Variants in LRP1B observed in about 807,000 individuals in gnomAD.
The protein encoded by LRP1B is low-density lipoprotein receptor-related protein 1B.
LRP1B carries 217 observed loss-of-function variants against 556.6 expected under a neutral mutation model. The observed-to-expected ratio is 0.39, with a 90% CI of 0.35 to 0.44. The LOEUF (loss-of-function observed/expected upper bound fraction) is 0.44, where lower values mean the gene tolerates loss of function less well. Among genes scored for constraint, LRP1B ranks in the 20% least tolerant of loss-of-function variants. The pLI is 1.00. For synonymous variants in LRP1B, 2,047 were observed against 1,865.8 expected (o/e 1.10, Z -2.50); for missense variants, 5,053 against 5,620.8 (o/e 0.90, Z 3.23).
intron 3 of LRP1B, among the ~76,000 whole-genome samples, chr2:141,285,619 C>A (rs1397919183): frequency 6.8e-6 from 1 of 147,970 alleles, no homozygotes; most frequent in African/African-American, 2.5e-5. Flanking sequence ...CCAAGGCCGG[C>A]TGATTTTTTT....
At chr2:140,639,711 A>T (rs1684205971) in intron 41 of LRP1B, among the ~76,000 whole-genome samples, 1 of 152,176 alleles carries the variant, frequency 6.6e-6, no homozygotes, top group Non-Finnish European at 1.5e-5. Flanking sequence ...AAATTATTTT[A>T]CTGCTACAAG....
At chr2:142,104,258 T>C (rs1706671266) in intron 1 of LRP1B, among the ~76,000 whole-genome samples, 2 of 152,120 alleles carry the variant, frequency 1.3e-5, no homozygotes, top group South Asian at 4.1e-4. Context: ...TAATGCCAAC[T>C]CTAAATCCCC....
intron 18 of LRP1B, among the ~76,000 whole-genome samples, chr2:140,957,302 T>C (rs977317246): frequency 1.3e-5 from 2 of 151,546 alleles, no homozygotes; most frequent in African/African-American, 4.8e-5. Context: ...AGAGACAGAT[T>C]CATGACGGCC....
At chr2:141,049,712 C>G (rs187628197) in intron 10 of LRP1B, among the ~76,000 whole-genome samples, 1 of 152,074 alleles carries the variant, frequency 6.6e-6, no homozygotes, top group Admixed American at 6.6e-5. Context: ...GTATCACTAA[C>G]TTGCATGTGA....
At chr2:141,152,571 G>T (rs1352959975) in intron 7 of LRP1B, among the ~76,000 whole-genome samples, 1 of 151,902 alleles carries the variant, frequency 6.6e-6, no homozygotes, top group African/African-American at 2.4e-5. Flanking sequence ...CCATGAGAAT[G>T]TATACACCCT....
chr2:140,322,182 A>G, intron 81 of LRP1B, 94 bp from the exon 82 acceptor site: 1 of 1,214,512 alleles, frequency 8.2e-7, no homozygotes, highest in Non-Finnish European at 1.2e-6. Flanking sequence ...ATTAATTAGC[A>G]ATGTTGAAAA....
rs1409823321 is a variant in LRP1B at position 140,822,008 on chromosome 2, A to AG, written c.5210-8203dup. On this transcript the variant is annotated intron_variant, in intron 31 of 90. Transcript: ENST00000389484. ...AGTGAGACTCCGTCTCAAAAAAAAA[A>AG]GAAAAAAAAAGAATAAAGGGGAAAC... Among the ~76,000 whole-genome samples, 7 of 152,076 alleles carry AG rather than the reference A, an allele frequency of 4.6e-5. 1 individual carries two copies. Among genetic ancestry groups the AG allele is most frequent in the Admixed American group, 2.0e-4 (3 of 15,278 alleles).
intron 7 of LRP1B, among the ~76,000 whole-genome samples, chr2:141,184,621 G>T (rs551714083): frequency 6.7e-6 from 1 of 150,038 alleles, no homozygotes; most frequent in South Asian, 2.1e-4. Context: ...AAAAAACAGG[G>T]TTTTCCATTA....
intron 3 of LRP1B, among the ~76,000 whole-genome samples, chr2:141,455,744 C>T (rs1681606425): frequency 6.6e-6 from 1 of 152,180 alleles, no homozygotes; most frequent in Non-Finnish European, 1.5e-5. Flanking sequence ...CAGTACTCTG[C>T]TAGGCATCAG....
intron 1 of LRP1B, among the ~76,000 whole-genome samples, chr2:141,865,386 A>G (rs1163553936): frequency 6.6e-6 from 1 of 151,770 alleles, no homozygotes; most frequent in African/African-American, 2.4e-5. Flanking sequence ...AGGTCAGGAG[A>G]TCGAGACCAT....
intron 35 of LRP1B, among the ~76,000 whole-genome samples, chr2:140,766,808 G>C (rs1243389330): frequency 7.8e-6 from 1 of 128,584 alleles, no homozygotes; most frequent in African/African-American, 3.3e-5. Flanking sequence ...GTAGCTTCCA[G>C]GGCATCTTTG....
At position 140,886,410 on chromosome 2, in the gene LRP1B, A is replaced by G. The variant is rs575584250; in HGVS notation, c.3767-75T>C. On this transcript the variant is annotated intron_variant, in intron 23 of 90. Transcript: ENST00000389484. ...AATGAAATGCTTGGGATCAAAATATATTATTTAAAAGTATAATTTATTACA... is the reference window on the plus strand; with the variant it reads ...AATGAAATGCTTGGGATCAAAATATGTTATTTAAAAGTATAATTTATTACA... 1.6e-5 allele frequency: 12 copies of G among 732,714 alleles called. No homozygotes were observed. In the South Asian group the frequency reaches 2.9e-4, roughly 18 times the overall value. The allele number at this position is 732,714 out of a possible 1,614,324, so 45.4% of individuals were successfully genotyped here. A position where few individuals can be genotyped will look rare whatever the true frequency, so the allele number is the denominator to read the frequency against.
chr2:141,726,675 G>A (rs1033076356), intron 2 of LRP1B, among the ~76,000 whole-genome samples: 2 of 151,990 alleles, frequency 1.3e-5, no homozygotes, highest in African/African-American at 4.8e-5. Context: ...AAGCAATAAA[G>A]TCTGGTGGCT....
intron 3 of LRP1B, among the ~76,000 whole-genome samples, chr2:141,438,590 G>C (rs115501371): frequency 2.0e-5 from 3 of 152,070 alleles, no homozygotes; most frequent in Non-Finnish European, 4.4e-5. Flanking sequence ...CATCTCTTAC[G>C]TTGGGAACAG....
chr2:141,752,439 T>C (rs1303038421), intron 2 of LRP1B, among the ~76,000 whole-genome samples: 1 of 152,120 alleles, frequency 6.6e-6, no homozygotes, highest in African/African-American at 2.4e-5. Flanking sequence ...TGAAAGACTT[T>C]CCATACTCGA....
intron 32 of LRP1B, among the ~76,000 whole-genome samples, chr2:140,791,146 C>T (rs931142124): frequency 1.1e-4 from 16 of 151,956 alleles, no homozygotes; most frequent in Admixed American, 3.9e-4. Flanking sequence ...CCCAGCTACT[C>T]GGGAGGCTGA....
Position 140,700,129 on chromosome 2 carries a change from T to C in LRP1B, c.6799+121A>G. On this transcript the variant is annotated intron_variant, in intron 41 of 90. Coordinates refer to ENST00000389484, the MANE Select transcript of LRP1B (RefSeq NM_018557.3). ...GTGAGGGTTAGATGATATAGTCACATTCATTCCTGAATATAAAATCTAGGA... is the reference window on the plus strand; with the variant it reads ...GTGAGGGTTAGATGATATAGTCACACTCATTCCTGAATATAAAATCTAGGA... 7.8e-6 allele frequency: 7 copies of C among 901,744 alleles called. No individual in the cohort carries two copies. The South Asian group carries it at 1.2e-4, about 15-fold the overall frequency. 55.9% of individuals were successfully genotyped at this position (901,744 alleles called of 1,614,324 possible).
chr2:141,097,823 G>A (rs775707439), intron 7 of LRP1B, among the ~76,000 whole-genome samples: 1 of 152,060 alleles, frequency 6.6e-6, no homozygotes, highest in Non-Finnish European at 1.5e-5. Flanking sequence ...ATTCATAAAT[G>A]AAAAAGATAA....
intron 2 of LRP1B, among the ~76,000 whole-genome samples, chr2:141,790,665 TA>T (rs143109378): frequency 6.6e-6 from 1 of 151,908 alleles, no homozygotes; most frequent in Admixed American, 6.6e-5. Flanking sequence ...CCTTTTGTAA[TA>T]AAAAATCTAT....
Sources: gnomAD v4.1 joint callset for allele counts (sites outside exome capture counted in the v4.1 genomes callset) on GRCh38, gnomAD v4.1.1 for gene constraint, MANE v1.5 for transcripts, NCBI Gene and HGNC (gene_info 2026-07-23, HGNC 2026-07-21) for gene names.